The following ASRGL1 variants were observed in gnomAD, a reference collection of about 807,000 sequenced individuals.
The protein encoded by ASRGL1 is asparaginase and isoaspartyl peptidase 1.
Under a neutral mutation model 22.4 loss-of-function variants are expected in ASRGL1, and 16 were observed. The ratio of observed to expected loss-of-function variants is 0.71; its 90% CI spans 0.48 to 1.08. The LOEUF (loss-of-function observed/expected upper bound fraction) is 1.08. Among genes scored for constraint, ASRGL1 ranks in the 50% least tolerant of loss-of-function variants. The probability of loss-of-function intolerance (pLI) is 0.00; values close to 1 mark genes in which losing one functional copy is unlikely to be tolerated. For synonymous variants in ASRGL1, 165 were observed against 159.3 expected, an observed-to-expected ratio of 1.04 and a Z score of -0.27; for missense variants, 412 against 410.1, an observed-to-expected ratio of 1.00 and a Z score of -0.04.
intron 4 of ASRGL1, among the ~76,000 whole-genome samples, chr11:62,381,492 G>C (rs1271376832): frequency 2.6e-5 from 4 of 152,060 alleles, no homozygotes; most frequent in Admixed American, 2.6e-4. Context: ...CAACTGAAAC[G>C]CTATCTTCTC....
intron 2 of ASRGL1, among the ~76,000 whole-genome samples, chr11:62,351,650 CA>C (rs34522226): frequency 1.3e-3 from 167 of 127,008 alleles, no homozygotes; most frequent in African/African-American, 1.4e-3. Flanking sequence ...AACTCATCTC[CA>C]AAAAAAAAAA....
In ASRGL1 at chr11:62,372,952, G is replaced by A. The variant is rs1013268329; in HGVS notation, c.491+15808G>A. 61 of 1,491,800 alleles carry A rather than the reference G, an allele frequency of 4.1e-5. No individual in the cohort carries two copies. In the African/African-American group the frequency reaches 6.6e-4, roughly 16 times the overall value. The allele number at this position is 1,491,800 out of a possible 1,614,324, so 92.4% of individuals were successfully genotyped here. On this transcript the variant is annotated intron_variant, in intron 4 of 6. Transcript: ENST00000415229. The stretch of plus-strand genomic sequence containing the variant: ...AGCATCATTGTGGCAGCCGATGAGA[G>A]CACCATCAGCTGGGGCCCATCACCG...
the ASRGL1 span, among the ~76,000 whole-genome samples, chr11:62,399,189 C>A: frequency 6.6e-6 from 1 of 152,280 alleles, no homozygotes; most frequent in African/African-American, 2.4e-5. Flanking sequence ...GCACTCCAGC[C>A]TGGGCGACAA....
intron 6 of ASRGL1, 82 bp downstream of exon 6, chr11:62,391,714 TGTAG>T: frequency 6.9e-7 from 1 of 1,442,444 alleles, no homozygotes; most frequent in Non-Finnish European, 9.3e-7. Context: ...CATGGAGAAG[TGTAG>T]GAAACCCTTT....
intron 4 of ASRGL1, among the ~76,000 whole-genome samples, 173 bp from the exon 5 acceptor site, chr11:62,388,960 C>G (rs527496051): frequency 1.3e-5 from 2 of 152,110 alleles, no homozygotes; most frequent in Non-Finnish European, 2.9e-5. Context: ...AGCAATCCAC[C>G]TGTAACTTAC....
intron 4 of ASRGL1, among the ~76,000 whole-genome samples, chr11:62,374,814 A>G (rs772972072): frequency 1.3e-5 from 2 of 152,106 alleles, no homozygotes; most frequent in Non-Finnish European, 2.9e-5. Context: ...GCCACTTCAG[A>G]GTTTGCTAAA....
At chr11:62,387,597 C>T (rs1192116166) in intron 4 of ASRGL1, among the ~76,000 whole-genome samples, 1 of 152,242 alleles carries the variant, frequency 6.6e-6, no homozygotes, top group Non-Finnish European at 1.5e-5. Flanking sequence ...CGCTCCTCCC[C>T]AGCAGCTGGG....
intron 2 of ASRGL1, among the ~76,000 whole-genome samples, chr11:62,355,445 C>G (rs1946260418): frequency 6.6e-6 from 1 of 151,642 alleles, no homozygotes; most frequent in Admixed American, 6.6e-5. Flanking sequence ...AGGATGATCT[C>G]GATCTCCTGA....
intron 4 of ASRGL1, among the ~76,000 whole-genome samples, chr11:62,376,640 C>T (rs1946939261): frequency 6.6e-6 from 1 of 152,144 alleles, no homozygotes; most frequent in Middle Eastern, 3.4e-3. Context: ...GTGGTACACT[C>T]CTTACTGTCT....
chr11:62,394,700 A>G (rs1205321312), downstream of ASRGL1, among the ~76,000 whole-genome samples: 1 of 152,164 alleles, frequency 6.6e-6, no homozygotes, highest in African/African-American at 2.4e-5. Context: ...TCTAGTTATT[A>G]AAGATTACCG....
intron 6 of ASRGL1, chr11:62,391,834 A>G (rs1421939730): frequency 4.3e-5 from 32 of 752,662 alleles, no homozygotes; most frequent in Non-Finnish European, 6.3e-5. Context: ...TATCTTCCAC[A>G]TCTCAGGAGA....
intron 4 of ASRGL1, among the ~76,000 whole-genome samples, chr11:62,364,930 G>A (rs779056895): frequency 3.3e-5 from 5 of 151,578 alleles, no homozygotes; most frequent in Non-Finnish European, 7.4e-5. Context: ...TTAGCTGGGC[G>A]TGGTGGTGGG....
At chr11:62,376,912 A>G (rs1946946150) in intron 4 of ASRGL1, among the ~76,000 whole-genome samples, 1 of 152,236 alleles carries the variant, frequency 6.6e-6, no homozygotes, top group Non-Finnish European at 1.5e-5. Flanking sequence ...TGCCCATATG[A>G]AATGTGAATA....
At chr11:62,394,064 ATATT>A (rs1056435588), downstream of ASRGL1, among the ~76,000 whole-genome samples, 3 of 143,756 alleles carry the variant, frequency 2.1e-5, no homozygotes, top group South Asian at 2.1e-4. Context: ...CTAATATGGT[ATATT>A]TATTATATAT....
At chr11:62,357,316 CTCG>C in intron 4 of ASRGL1, 172 bp downstream of exon 4, 2 of 718,102 alleles carry the variant, frequency 2.8e-6, no homozygotes, top group Non-Finnish European at 4.2e-6. Context: ...GTGGTGCGAT[CTCG>C]GCTCACTGCA....
intron 4 of ASRGL1, among the ~76,000 whole-genome samples, chr11:62,368,153 C>T (rs1029117623): frequency 6.6e-6 from 1 of 152,102 alleles, no homozygotes; most frequent in African/African-American, 2.4e-5. Flanking sequence ...ACTTTTACTA[C>T]AGTATATTGT....
downstream of ASRGL1, among the ~76,000 whole-genome samples, chr11:62,393,669 A>G (rs1258559545): frequency 6.6e-6 from 1 of 152,224 alleles, no homozygotes; most frequent in Non-Finnish European, 1.5e-5. Context: ...AGAGGTGCAC[A>G]GTAAAAACCT....
At chr11:62,349,675 T>C (rs897972608) in intron 2 of ASRGL1, among the ~76,000 whole-genome samples, 1 of 152,176 alleles carries the variant, frequency 6.6e-6, no homozygotes, top group Non-Finnish European at 1.5e-5. Context: ...AAGAGAAGGT[T>C]CTTGGATCTC....
chr11:62,389,566 C>T, intron 5 of ASRGL1: 3 of 401,422 alleles, frequency 7.5e-6, no homozygotes, highest in Non-Finnish European at 1.4e-5. Context: ...TCTCTTTAGC[C>T]ACAGTTTCAG....
Sources: allele counts gnomAD v4.1 joint callset (sites outside exome capture counted in the v4.1 genomes callset), GRCh38; gene constraint gnomAD v4.1.1; transcripts MANE v1.5; gene names NCBI Gene and HGNC (gene_info 2026-07-23, HGNC 2026-07-21).